The following TDRD9 variants were observed in gnomAD, a reference collection of about 807,000 sequenced individuals.
TDRD9 encodes the protein ATP-dependent RNA helicase TDRD9.
TDRD9 carries 124 observed loss-of-function variants against 172.6 expected under a neutral mutation model. That is an observed-to-expected ratio of 0.72 (90% CI 0.62 to 0.83). The LOEUF is 0.83. Among genes scored for constraint, TDRD9 ranks in the 40% least tolerant of loss-of-function variants. The pLI, the probability that TDRD9 is intolerant of heterozygous loss-of-function variation, is 0.00. For synonymous variants in TDRD9, 619 were observed against 617.1 expected (o/e 1.00, Z -0.05); for missense variants, 1,479 against 1,714.1 (o/e 0.86, Z 2.42).
chr14:104,014,801 T>G lies in TDRD9; in HGVS notation c.2183T>G (p.Met728Arg), dbSNP rs988753791. Residue 728 changes from methionine (M) to arginine (R), a missense_variant, in exon 21 of 36, where the codon ATG becomes AGG. Around this residue, in one of 3 missense-constraint regions of TDRD9, gnomAD observed 1,413 missense variants for 1,649.1 expected, o/e 0.86. Coordinates refer to ENST00000409874, the MANE Select transcript of TDRD9 (RefSeq NM_153046.3). Reference protein sequence around the residue: ...NMHVDSRRPVMDQEYIYKQRF... With the variant: ...NMHVDSRRPVRDQEYIYKQRF... Reference sequence around the variant, plus strand: ...CATGTTGATTCTCGGCGACCTGTCATGGACCAAGAGTATATATATAAGCAG... The same window carrying G: ...CATGTTGATTCTCGGCGACCTGTCAGGGACCAAGAGTATATATATAAGCAG... 1.2e-6 allele frequency: 2 copies of G among 1,612,004 alleles called. No individual in the cohort carries two copies. Among genetic ancestry groups the G allele is most frequent in the African/African-American group, 2.7e-5 (2 of 74,930 alleles).
chr14:103,940,920 T>C, intron 1 of TDRD9: 2 of 1,535,466 alleles, frequency 1.3e-6, no homozygotes, highest in Non-Finnish European at 1.7e-6. Context: ...CATCTTTGTC[T>C]GCCCTCTTGG....
intron 35 of TDRD9, among the ~76,000 whole-genome samples, chr14:104,050,420 C>G (rs942530152): frequency 4.6e-5 from 7 of 152,120 alleles, no homozygotes; most frequent in Non-Finnish European, 1.0e-4. Context: ...TCATAGGCTC[C>G]CTGGTACTTC....
In TDRD9 at chr14:104,006,511, C is replaced by T. The variant is rs2034442378; in HGVS notation, c.1836C>T (p.Val612=). 1 of 1,613,734 alleles carries T rather than the reference C, an allele frequency of 6.2e-7. No individual in the cohort carries two copies. Among genetic ancestry groups the T allele is most frequent in the African/African-American group, 1.3e-5 (1 of 74,922 alleles). ...PVNQQLGKLI[V]LGHVFGCLDE... ...ATCAGCAACTTGGTAAACTCATAGT[C>T]CTTGGACATGTATTTGGATGTCTAG... The change falls in exon 16 of 36, where the codon GTC becomes GTT. Residue 612 remains valine (V), a synonymous_variant. Transcript: ENST00000409874.
intron 3 of TDRD9, 84 bp from the exon 4 acceptor site, chr14:103,965,245 AAAAT>A (rs2032684369): frequency 1.6e-5 from 21 of 1,319,054 alleles, no homozygotes; most frequent in Non-Finnish European, 2.2e-5. Flanking sequence ...AGATGAAAGA[AAAAT>A]AAATCCTGAA....
chr14:104,048,469 T>C (rs2035845436), intron 34 of TDRD9, among the ~76,000 whole-genome samples: 1 of 152,166 alleles, frequency 6.6e-6, no homozygotes, highest in Non-Finnish European at 1.5e-5. Flanking sequence ...TCCTTGTATC[T>C]GATCTGCACA....
chr14:104,029,116 C>T lies in TDRD9; in HGVS notation c.3283-1992C>T, dbSNP rs183491223. 2.8e-4 allele frequency among the ~76,000 whole-genome samples: 42 copies of T among 152,140 alleles called. 1 individual carries two copies. Among genetic ancestry groups the T allele is most frequent in the East Asian group, 1.7e-3 (9 of 5,180 alleles). ...TAGTGTATTTCTAAGTCAGGTACTG[C>T]GATGTCTCTTGCTTTGTTCTTTTTG... is the stretch of plus-strand genomic sequence containing the variant. On this transcript the variant is annotated intron_variant, in intron 28 of 35. Coordinates refer to ENST00000409874, the MANE Select transcript of TDRD9 (RefSeq NM_153046.3).
intron 34 of TDRD9, among the ~76,000 whole-genome samples, chr14:104,048,550 C>A (rs2035847501): frequency 6.6e-6 from 1 of 152,136 alleles, no homozygotes; most frequent in Admixed American, 6.5e-5. Context: ...TGCCCTTTGC[C>A]ATTGGAGCTA....
In TDRD9 at chr14:103,955,731, C is replaced by A. The variant is rs1196847845; in HGVS notation, c.283C>A (p.Leu95Ile). The A allele has an allele frequency of 1.3e-6, 2 of 1,551,354 alleles. No homozygotes were observed. The highest frequency in any genetic ancestry group is 2.4e-5 in the South Asian group (2 of 84,040). Residue 95 changes from leucine (L) to isoleucine (I), a missense_variant, in exon 2 of 36, where the codon CTT becomes ATT. Physicochemically the swap from Leu to Ile is conservative, Grantham distance 5 (BLOSUM62 2). Around this residue, in one of 3 missense-constraint regions of TDRD9, gnomAD observed 1,413 missense variants for 1,649.1 expected, o/e 0.86. Transcript: ENST00000409874. ...ATACAGACAGCTCGAAGCACAAGAG[C>A]TTGATGTGTGTCGCAGTGTCCAACC... ...NKYRQLEAQE[L>I]DVCRSVQPTS...
intron 1 of TDRD9, among the ~76,000 whole-genome samples, chr14:103,949,629 A>C (rs954481882): frequency 1.3e-5 from 2 of 152,200 alleles, no homozygotes; most frequent in Non-Finnish European, 2.9e-5. Context: ...AATAACTTTG[A>C]AGGTTATGAC....
intron 1 of TDRD9, among the ~76,000 whole-genome samples, chr14:103,935,023 T>A (rs1472594504): frequency 6.6e-6 from 1 of 152,202 alleles, no homozygotes; most frequent in Non-Finnish European, 1.5e-5. Context: ...AAGACCTGAA[T>A]GCAGCGAAGA....
At chr14:104,011,500 A>G (rs1225557066) in intron 20 of TDRD9, among the ~76,000 whole-genome samples, 1 of 152,260 alleles carries the variant, frequency 6.6e-6, no homozygotes, top group Non-Finnish European at 1.5e-5. Context: ...AACACATTCA[A>G]AAACACCTTT....
chr14:104,004,613 C>T (rs1222154825), intron 14 of TDRD9, among the ~76,000 whole-genome samples: 1 of 152,084 alleles, frequency 6.6e-6, no homozygotes, highest in Non-Finnish European at 1.5e-5. Flanking sequence ...CTCCTGACCT[C>T]GTGATCCGCC....
intron 5 of TDRD9, among the ~76,000 whole-genome samples, chr14:103,969,870 CTCTG>C (rs1321137025): frequency 2.0e-5 from 3 of 152,036 alleles, no homozygotes; most frequent in Non-Finnish European, 4.4e-5. Flanking sequence ...ACTGTGAGGT[CTCTG>C]TCTGAGGAGG....
intron 28 of TDRD9, 45 bp downstream of exon 28, chr14:104,026,984 G>GAT: frequency 6.3e-7 from 1 of 1,592,806 alleles, no homozygotes; most frequent in East Asian, 2.2e-5. Context: ...GTGTGAGAGA[G>GAT]AACGGGGCAG....
intron 28 of TDRD9, 141 bp downstream of exon 28, chr14:104,027,080 C>G: frequency 1.2e-6 from 1 of 844,016 alleles, no homozygotes; most frequent in Non-Finnish European, 1.8e-6. Context: ...TGTGTTAAGA[C>G]TGGTGGCACC....
In TDRD9 at chr14:104,026,103, G is replaced by A; in HGVS notation, c.2988G>A (p.Glu996=). ...KSHVDLHLLM[E]IPCQFLELPF... ...ATGTAGATCTACATCTTTTGATGGA[G>A]ATTCCCTGTCAATTTCTTGAACTTC... Residue 996 remains glutamate, a synonymous_variant, in exon 27 of 36, where the codon GAG becomes GAA. Transcript: ENST00000409874. The A allele has an allele frequency of 1.2e-6, 2 of 1,610,892 alleles. No individual in the cohort carries two copies. Among genetic ancestry groups the A allele is most frequent in the Non-Finnish European group, 1.7e-6 (2 of 1,177,122 alleles).
intron 30 of TDRD9, among the ~76,000 whole-genome samples, chr14:104,032,699 T>G (rs2035322214): frequency 6.6e-6 from 1 of 152,220 alleles, no homozygotes; most frequent in African/African-American, 2.4e-5. Flanking sequence ...AGGAGCAGTG[T>G]GTGGTTTGGG....
intron 35 of TDRD9, among the ~76,000 whole-genome samples, 168 bp from the exon 36 acceptor site, chr14:104,051,813 T>C (rs2035942693): frequency 6.6e-6 from 1 of 152,224 alleles, no homozygotes; most frequent in South Asian, 2.1e-4. Flanking sequence ...AAATTAAAAA[T>C]GAATTATCAA....
At chr14:103,975,235 A>G (rs1321239301) in intron 6 of TDRD9, among the ~76,000 whole-genome samples, 154 bp from the exon 7 acceptor site, 6 of 152,250 alleles carry the variant, frequency 3.9e-5, no homozygotes, top group African/African-American at 1.2e-4. Flanking sequence ...TTAAACTACA[A>G]TAATTACACT....
Sources: gnomAD v4.1 joint callset for allele counts (sites outside exome capture counted in the v4.1 genomes callset) on GRCh38, gnomAD v4.1.1 for gene constraint, gnomAD v4.1.1 regional missense constraint, MANE v1.5 for transcripts, NCBI Gene and HGNC (gene_info 2026-07-23, HGNC 2026-07-21) for gene names.